Variants in RHBDL3 observed in about 807,000 individuals in gnomAD.
The protein encoded by RHBDL3 is rhomboid-related protein 3.
Under a neutral mutation model 48.2 loss-of-function variants are expected in RHBDL3, and 28 were observed. The ratio of observed to expected loss-of-function variants is 0.58; its 90% CI spans 0.43 to 0.80. The LOEUF (loss-of-function observed/expected upper bound fraction) is 0.80, where lower values mean the gene tolerates loss of function less well. Ranked by LOEUF, RHBDL3 falls within the 30% of genes least tolerant of loss-of-function variation. RHBDL3 has a pLI of 0.00. For missense variants in RHBDL3, 464 were observed against 542.7 expected (o/e 0.85, Z 1.44); for synonymous variants, 208 against 232.3 (o/e 0.90, Z 0.95).
intron 7 of RHBDL3, among the ~76,000 whole-genome samples, chr17:32,306,230 T>G (rs2150741651): frequency 6.6e-6 from 1 of 152,010 alleles, no homozygotes; most frequent in East Asian, 2.0e-4. Context: ...GAGACCATCC[T>G]GGCCAACATG....
chr17:32,289,935 A>C (rs912678629), intron 4 of RHBDL3, among the ~76,000 whole-genome samples: 1 of 152,280 alleles, frequency 6.6e-6, no homozygotes, highest in Non-Finnish European at 1.5e-5. Flanking sequence ...TCTGCAGGCC[A>C]GCATTCCCCT....
chr17:32,266,340 C>A (rs1597599111), intron 1 of RHBDL3, 40 bp downstream of exon 1: 3 of 1,164,732 alleles, frequency 2.6e-6, no homozygotes, highest in Non-Finnish European at 2.3e-6. Context: ...TTCTAGGGGG[C>A]GCCGGGGGGA....
At chr17:32,304,432 C>G (rs1336260263) in intron 6 of RHBDL3, among the ~76,000 whole-genome samples, 1 of 152,118 alleles carries the variant, frequency 6.6e-6, no homozygotes, top group Admixed American at 6.6e-5. Context: ...AGGCTTTGGT[C>G]AAGAACACGG....
intron 4 of RHBDL3, among the ~76,000 whole-genome samples, chr17:32,290,263 G>A (rs2040296524): frequency 6.6e-6 from 1 of 152,176 alleles, no homozygotes; most frequent in Non-Finnish European, 1.5e-5. Flanking sequence ...GCAGGGGGCT[G>A]GCTCTTTGTG....
intron 6 of RHBDL3, among the ~76,000 whole-genome samples, chr17:32,302,917 G>A (rs779332964): frequency 3.2e-4 from 49 of 152,156 alleles, no homozygotes; most frequent in Non-Finnish European, 6.0e-4. Flanking sequence ...GGGTTAGGGC[G>A]TCCCTGAAAA....
chr17:32,299,500 C>G (rs957628079), intron 6 of RHBDL3, among the ~76,000 whole-genome samples: 1 of 152,232 alleles, frequency 6.6e-6, no homozygotes, highest in African/African-American at 2.4e-5. Context: ...CCCCCTAATC[C>G]TGACATCTGA....
chr17:32,320,977 G>A lies in RHBDL3; in HGVS notation c.963G>A (p.Arg321=). The A allele has an allele frequency of 1.9e-6, 3 of 1,612,518 alleles. No homozygotes were observed. Among genetic ancestry groups the A allele is most frequent in the Non-Finnish European group, 2.5e-6 (3 of 1,179,656 alleles). ...TTGCAGTGAGCATGGAGTTTGGGCG[G>A]GCCGTGTGGCTCCGCTTCCACCCGT... ...ALICMSMEFG[R]AVWLRFHPSA... The change falls in exon 9 of 9, where the codon CGG becomes CGA. Residue 321 remains arginine, a synonymous_variant. Transcript: ENST00000269051.
At chr17:32,267,398 A>G (rs2150683371) in intron 1 of RHBDL3, among the ~76,000 whole-genome samples, 1 of 148,800 alleles carries the variant, frequency 6.7e-6, no homozygotes, top group Middle Eastern at 3.4e-3. Flanking sequence ...CTGCAGGCAA[A>G]ATGTTAGTGT....
rs985897725 is a variant in RHBDL3, at chr17:32,283,532, C to T, written c.136-1127C>T. Among the ~76,000 whole-genome samples the T allele has an allele frequency of 5.9e-5, 9 of 151,368 alleles. No homozygotes were observed. In the East Asian group the frequency reaches 9.7e-4, roughly 16 times the overall value. Reference sequence around the variant, plus strand: ...TAGAGACGGGGTTTCACCGTGTTAGCCAGGATGGTCTCCATCTCCTGACCT... The same window carrying T: ...TAGAGACGGGGTTTCACCGTGTTAGTCAGGATGGTCTCCATCTCCTGACCT... On this transcript the variant is annotated intron_variant, in intron 2 of 8. Transcript: ENST00000269051.
intron 6 of RHBDL3, among the ~76,000 whole-genome samples, chr17:32,299,165 A>C (rs1232918100): frequency 1.3e-5 from 2 of 152,006 alleles, no homozygotes; most frequent in Non-Finnish European, 2.9e-5. Context: ...GTGGTATTAA[A>C]GTTGTCATCA....
At chr17:32,320,198 G>A (rs745540837) in intron 8 of RHBDL3, among the ~76,000 whole-genome samples, 10 of 152,100 alleles carry the variant, frequency 6.6e-5, no homozygotes, top group Non-Finnish European at 1.0e-4. Context: ...ACCTGAGCCC[G>A]GGAGGTTGAG....
rs1244042184 is a variant in RHBDL3, at chr17:32,321,247, T to A, written c.*18T>A. 3 of 1,613,852 alleles carry A rather than the reference T, an allele frequency of 1.9e-6. No individual in the cohort carries two copies. The highest frequency in any genetic ancestry group is 2.5e-6 in the Non-Finnish European group (3 of 1,179,998). ...CCCCCTGAGGGCTGGAGGCCCAAGGTCGGGGAGGGGAGGGAAAAGCAGCAC... is the reference window on the plus strand; with the variant it reads ...CCCCCTGAGGGCTGGAGGCCCAAGGACGGGGAGGGGAGGGAAAAGCAGCAC... On this transcript the variant is annotated 3_prime_UTR_variant, in exon 9 of 9. Transcript: ENST00000269051.
At chr17:32,284,931 A>C (rs2040158611) in intron 3 of RHBDL3, 114 bp downstream of exon 3, 1 of 958,094 alleles carries the variant, frequency 1.0e-6, no homozygotes, top group Admixed American at 2.2e-5. Flanking sequence ...GCATTGAAAA[A>C]GTCCAGGCTT....
At position 32,266,294 on chromosome 17, in the gene RHBDL3, G is replaced by A. The variant is rs2039626736; in HGVS notation, c.105G>A (p.Pro35=). ...CCGAGGAGCGGCTGCCCGCGGCGCCGGAGGACGTGAGTGCCCCCTCCCCGC... is the reference window on the plus strand; with the variant it reads ...CCGAGGAGCGGCTGCCCGCGGCGCCAGAGGACGTGAGTGCCCCCTCCCCGC... The part of the protein sequence containing the change: ...PEAEERLPAA[P]EDHWKVLFDQ... The change falls in exon 1 of 9, where the codon CCG becomes CCA. Residue 35 remains proline (P), a synonymous_variant. Coordinates refer to ENST00000269051, the MANE Select transcript of RHBDL3 (RefSeq NM_138328.3). 1 of 1,460,876 alleles carries A rather than the reference G, an allele frequency of 6.8e-7. No homozygotes were observed. The highest frequency in any genetic ancestry group is 3.0e-5 in the East Asian group (1 of 33,092). 90.5% of individuals were successfully genotyped at this position (1,460,876 alleles called of 1,614,324 possible). A position where few individuals can be genotyped will look rare whatever the true frequency, so the allele number is the denominator to read the frequency against.
In RHBDL3 at chr17:32,321,238, G is replaced by T; in HGVS notation, c.*9G>T. 1 of 1,614,204 alleles carries T rather than the reference G, an allele frequency of 6.2e-7. No individual in the cohort carries two copies. The highest frequency in any genetic ancestry group is 8.5e-7 in the Non-Finnish European group (1 of 1,180,048). ...TGCCGCCTCCCCCCTGAGGGCTGGA[G>T]GCCCAAGGTCGGGGAGGGGAGGGAA... On this transcript the variant is annotated 3_prime_UTR_variant, in exon 9 of 9. Coordinates refer to ENST00000269051, the MANE Select transcript of RHBDL3 (RefSeq NM_138328.3).
rs192749184 is a variant in RHBDL3 at position 32,269,298 on chromosome 17, C to T, written c.135+1373C>T. Among the ~76,000 whole-genome samples, 6 of 152,270 alleles carry T rather than the reference C, an allele frequency of 3.9e-5. No individual in the cohort carries two copies. The East Asian group carries it at 7.7e-4, about 20-fold the overall frequency. ...AGGAAGTTGAGGCTGCAGTGAGCCA[C>T]GATCGTGCTACTGCACTCCAACCTG... On this transcript the variant is annotated intron_variant, in intron 2 of 8. Transcript: ENST00000269051.
At chr17:32,283,513 C>T (rs369706639) in intron 2 of RHBDL3, among the ~76,000 whole-genome samples, 76 of 151,792 alleles carry the variant, frequency 5.0e-4, no homozygotes, top group African/African-American at 1.1e-3. Context: ...TTAGTAGAGA[C>T]GGGGTTTCAC....
chr17:32,307,965 G>A (rs1227841450), intron 7 of RHBDL3, among the ~76,000 whole-genome samples: 1 of 152,110 alleles, frequency 6.6e-6, no homozygotes, highest in Non-Finnish European at 1.5e-5. Context: ...AACACAGGGA[G>A]GAAGAAGCAC....
chr17:32,311,987 G>A (rs998592844), intron 7 of RHBDL3, among the ~76,000 whole-genome samples: 2 of 152,338 alleles, frequency 1.3e-5, no homozygotes, highest in African/African-American at 4.8e-5. Context: ...CCAAAAATAA[G>A]GATGGCGCAT....
Sources: allele counts gnomAD v4.1 joint callset (sites outside exome capture counted in the v4.1 genomes callset), GRCh38; gene constraint gnomAD v4.1.1; transcripts MANE v1.5; gene names NCBI Gene and HGNC (gene_info 2026-07-23, HGNC 2026-07-21).